CTNND2: variants seen among roughly 807,000 people sequenced by gnomAD.
CTNND2 encodes the protein catenin delta-2.
Under a neutral mutation model 144.4 loss-of-function variants are expected in CTNND2, and 22 were observed. That is an observed-to-expected ratio of 0.15 (90% CI 0.11 to 0.22). CTNND2 has a LOEUF of 0.22. Among genes scored for constraint, CTNND2 ranks in the 10% least tolerant of loss-of-function variants. CTNND2 has a pLI of 1.00. For missense variants in CTNND2, 1,353 were observed against 1,618.8 expected, an observed-to-expected ratio of 0.84 and a Z score of 2.82; for synonymous variants, 751 against 695.6, an observed-to-expected ratio of 1.08 and a Z score of -1.25.
intron 2 of CTNND2, among the ~76,000 whole-genome samples, chr5:11,603,323 C>CA (rs1779894834): frequency 6.6e-6 from 1 of 152,094 alleles, no homozygotes; most frequent in Admixed American, 6.6e-5. Context: ...CACAATGAAC[C>CA]ATCCCATGAA....
intron 2 of CTNND2, among the ~76,000 whole-genome samples, chr5:11,614,175 C>G (rs1314548073): frequency 1.3e-5 from 2 of 152,272 alleles, no homozygotes; most frequent in East Asian, 1.9e-4. Context: ...TCTGGTTTAT[C>G]TGCATGCCCT....
intron 2 of CTNND2, among the ~76,000 whole-genome samples, chr5:11,696,946 C>T (rs1785167277): frequency 6.6e-6 from 1 of 152,156 alleles, no homozygotes; most frequent in Admixed American, 6.5e-5. Flanking sequence ...CCTTAAACAC[C>T]TGGGCAATAT....
chr5:11,643,976 A>C (rs1422018779), intron 2 of CTNND2, among the ~76,000 whole-genome samples: 2 of 152,114 alleles, frequency 1.3e-5, no homozygotes, highest in African/African-American at 4.8e-5. Context: ...AAGAAATGTT[A>C]AAAAAAGGAC....
At chr5:11,285,618 C>T (rs552442075) in intron 9 of CTNND2, among the ~76,000 whole-genome samples, 1 of 152,198 alleles carries the variant, frequency 6.6e-6, no homozygotes, top group Non-Finnish European at 1.5e-5. Context: ...CAGCTGGCCC[C>T]TCTGCAACAA....
chr5:11,675,712 T>C (rs963531448), intron 2 of CTNND2, among the ~76,000 whole-genome samples: 2 of 151,874 alleles, frequency 1.3e-5, no homozygotes, highest in Admixed American at 6.6e-5. Flanking sequence ...AGCATATATA[T>C]ATAAACTATT....
chr5:11,203,655 G>A (rs763066241), intron 10 of CTNND2, among the ~76,000 whole-genome samples: 3 of 152,166 alleles, frequency 2.0e-5, no homozygotes, highest in East Asian at 3.9e-4. Context: ...GATTACAGGC[G>A]TGAGCCACTG....
chr5:11,641,688 G>A (rs567090347), intron 2 of CTNND2, among the ~76,000 whole-genome samples: 79 of 109,394 alleles, frequency 7.2e-4, no homozygotes, highest in African/African-American at 3.1e-3. Context: ...ATACATATAC[G>A]TGTGTGTATA....
intron 2 of CTNND2, among the ~76,000 whole-genome samples, chr5:11,611,282 T>C (rs1178459398): frequency 2.0e-5 from 3 of 152,200 alleles, no homozygotes; most frequent in Non-Finnish European, 4.4e-5. Context: ...TTAACCTCTT[T>C]CCTTTATAAA....
At position 11,827,106 on chromosome 5, in the gene CTNND2, T is replaced by C. The variant is rs1793645202; in HGVS notation, c.37+76711A>G. On this transcript the variant is annotated intron_variant, in intron 1 of 21. Coordinates refer to ENST00000304623, the MANE Select transcript of CTNND2 (RefSeq NM_001332.4). The stretch of plus-strand genomic sequence containing the variant: ...TCAAATATCAATAAATTTACCAGAA[T>C]TAAAATCCAACAAAACATTCCCTCT... 3.3e-5 allele frequency among the ~76,000 whole-genome samples: 5 copies of C among 152,090 alleles called. No homozygotes were observed. In the South Asian group the frequency reaches 1.0e-3, roughly 31 times the overall value.
intron 7 of CTNND2, among the ~76,000 whole-genome samples, chr5:11,376,187 T>C (rs1401777722): frequency 6.6e-6 from 1 of 152,150 alleles, no homozygotes; most frequent in Admixed American, 6.5e-5. Flanking sequence ...TGTTTGTAAG[T>C]TACACAATTT....
At chr5:11,782,016 G>A (rs1399804497) in intron 1 of CTNND2, among the ~76,000 whole-genome samples, 1 of 152,160 alleles carries the variant, frequency 6.6e-6, no homozygotes, top group East Asian at 1.9e-4. Flanking sequence ...CTGGTGGGAG[G>A]TAACTGAATC....
intron 3 of CTNND2, among the ~76,000 whole-genome samples, chr5:11,430,081 C>T (rs1386456994): frequency 6.6e-6 from 1 of 151,502 alleles, no homozygotes; most frequent in African/African-American, 2.4e-5. Flanking sequence ...GAAAACTAGT[C>T]TCTACTAAAA....
chr5:11,358,982 G>A (rs1174069130), intron 8 of CTNND2, among the ~76,000 whole-genome samples: 6 of 152,178 alleles, frequency 3.9e-5, no homozygotes, highest in African/African-American at 7.2e-5. Context: ...CACAGCAGAC[G>A]TTGGCCATTT....
intron 9 of CTNND2, among the ~76,000 whole-genome samples, chr5:11,239,047 C>T (rs1044738499): frequency 6.6e-6 from 1 of 152,176 alleles, no homozygotes; most frequent in Non-Finnish European, 1.5e-5. Flanking sequence ...CTACTAAATA[C>T]CTGTAAATTA....
intron 1 of CTNND2, among the ~76,000 whole-genome samples, chr5:11,829,190 T>C (rs1015504189): frequency 2.6e-5 from 4 of 152,176 alleles, no homozygotes; most frequent in African/African-American, 7.2e-5. Context: ...TTGAAAAACA[T>C]GCAGCCTGAC....
At chr5:11,135,772 G>A (rs1756081461) in intron 12 of CTNND2, among the ~76,000 whole-genome samples, 1 of 152,164 alleles carries the variant, frequency 6.6e-6, no homozygotes, top group Non-Finnish European at 1.5e-5. Context: ...GCCCATGACT[G>A]ACACTCTCCT....
At chr5:11,638,178 C>T (rs920642021) in intron 2 of CTNND2, among the ~76,000 whole-genome samples, 2 of 152,088 alleles carry the variant, frequency 1.3e-5, no homozygotes, top group African/African-American at 4.8e-5. Flanking sequence ...CCTGTGTTAC[C>T]TCTCTTCTCC....
intron 1 of CTNND2, among the ~76,000 whole-genome samples, chr5:11,898,071 G>C (rs1737540195): frequency 6.6e-6 from 1 of 152,192 alleles, no homozygotes; most frequent in Non-Finnish European, 1.5e-5. Flanking sequence ...TCCCTGTGGG[G>C]AGGGAGGAGG....
At chr5:11,476,020 C>G (rs374566572) in intron 3 of CTNND2, among the ~76,000 whole-genome samples, 2 of 150,826 alleles carry the variant, frequency 1.3e-5, no homozygotes, top group Non-Finnish European at 2.9e-5. Flanking sequence ...CCACCATGCC[C>G]GGCTAATTTT....
Sources: gnomAD v4.1 joint callset for allele counts (sites outside exome capture counted in the v4.1 genomes callset) on GRCh38, gnomAD v4.1.1 for gene constraint, MANE v1.5 for transcripts, NCBI Gene and HGNC (gene_info 2026-07-23, HGNC 2026-07-21) for gene names.